DYNC1I1: variants seen among roughly 807,000 people sequenced by gnomAD.
The protein encoded by DYNC1I1 is cytoplasmic dynein 1 intermediate chain 1.
Under a neutral mutation model 86.6 loss-of-function variants are expected in DYNC1I1, and 43 were observed. That is an observed-to-expected ratio of 0.50 (90% CI 0.39 to 0.64). The LOEUF (loss-of-function observed/expected upper bound fraction) is 0.64, where lower values mean the gene tolerates loss of function less well. Ranked by LOEUF, DYNC1I1 falls within the 30% of genes least tolerant of loss-of-function variation. The pLI, the probability that DYNC1I1 is intolerant of heterozygous loss-of-function variation, is 0.00. For missense variants in DYNC1I1, 604 were observed against 788.8 expected (o/e 0.77, Z 2.81); for synonymous variants, 262 against 283.7 (o/e 0.92, Z 0.77).
At chr7:95,870,384 C>T (rs962365233) in intron 6 of DYNC1I1, among the ~76,000 whole-genome samples, 1 of 6,634 alleles carries the variant, frequency 1.5e-4, no homozygotes. Flanking sequence ...CAAACTATAG[C>T]CCACCCACCT....
intron 6 of DYNC1I1, among the ~76,000 whole-genome samples, chr7:95,975,904 G>T (rs1793291317): frequency 6.6e-6 from 1 of 152,066 alleles, no homozygotes. Flanking sequence ...TTAGTCCTTG[G>T]GTCAGGAAGA....
chr7:95,848,637 A>C (rs1047738582), intron 5 of DYNC1I1, among the ~76,000 whole-genome samples: 1 of 152,150 alleles, frequency 6.6e-6, no homozygotes, highest in Non-Finnish European at 1.5e-5. Context: ...TTTGATAAAC[A>C]CATAGGTTGA....
intron 9 of DYNC1I1, among the ~76,000 whole-genome samples, chr7:95,990,033 C>G (rs933545192): frequency 6.6e-6 from 1 of 152,116 alleles, no homozygotes; most frequent in Non-Finnish European, 1.5e-5. Context: ...CAGAATAGAA[C>G]TGAGAGGAGA....
chr7:95,942,020 G>C (rs924200556), intron 6 of DYNC1I1, among the ~76,000 whole-genome samples: 1 of 152,052 alleles, frequency 6.6e-6, no homozygotes, highest in Admixed American at 6.6e-5. Flanking sequence ...ATAACTAAAA[G>C]CAGAGCAGAA....
intron 5 of DYNC1I1, among the ~76,000 whole-genome samples, chr7:95,844,145 A>T: frequency 6.6e-6 from 1 of 152,304 alleles, no homozygotes; most frequent in East Asian, 1.9e-4. Flanking sequence ...TATAGATAAC[A>T]ATGAGCAATG....
At chr7:95,874,506 T>C (rs908412648) in intron 6 of DYNC1I1, among the ~76,000 whole-genome samples, 5 of 152,204 alleles carry the variant, frequency 3.3e-5, no homozygotes, top group Admixed American at 2.0e-4. Context: ...ATCGACTGGA[T>C]TGTGTATCCC....
At chr7:95,835,658 G>C (rs1308711118) in intron 5 of DYNC1I1, among the ~76,000 whole-genome samples, 1 of 152,124 alleles carries the variant, frequency 6.6e-6, no homozygotes, top group Admixed American at 6.5e-5. Flanking sequence ...GGGTGCTCCT[G>C]TATTGGGTGC....
At chr7:95,813,059 CA>C in intron 3 of DYNC1I1, 187 bp from the exon 4 acceptor site, 1 of 1,283,576 alleles carries the variant, frequency 7.8e-7, no homozygotes, top group Non-Finnish European at 1.1e-6. Flanking sequence ...TTCCAAAATA[CA>C]AAAAATTCAC....
At chr7:95,893,010 C>G (rs1174634149) in intron 6 of DYNC1I1, among the ~76,000 whole-genome samples, 1 of 152,122 alleles carries the variant, frequency 6.6e-6, no homozygotes, top group Non-Finnish European at 1.5e-5. Flanking sequence ...TTCCTCGTGA[C>G]CTTTCTTAAA....
chr7:95,988,576 A>C (rs1001858597), intron 9 of DYNC1I1, among the ~76,000 whole-genome samples: 2 of 152,206 alleles, frequency 1.3e-5, no homozygotes, highest in Non-Finnish European at 2.9e-5. Context: ...TAGTGTGGTG[A>C]CATCAGAATT....
intron 5 of DYNC1I1, among the ~76,000 whole-genome samples, chr7:95,861,155 C>G (rs1043518785): frequency 6.6e-6 from 1 of 152,112 alleles, no homozygotes; most frequent in Non-Finnish European, 1.5e-5. Flanking sequence ...CCTCTGCCAC[C>G]TTATCTACCT....
intron 6 of DYNC1I1, among the ~76,000 whole-genome samples, chr7:95,956,167 C>T (rs1792704664): frequency 6.6e-6 from 1 of 152,042 alleles, no homozygotes; most frequent in South Asian, 2.1e-4. Context: ...GGGTACCTGG[C>T]CACATTTCAA....
intron 10 of DYNC1I1, among the ~76,000 whole-genome samples, chr7:96,000,974 C>T (rs369848006): frequency 3.2e-4 from 49 of 152,272 alleles, no homozygotes; most frequent in East Asian, 2.7e-3. Context: ...GTTTTAAAAT[C>T]GTTTTATTTG....
chr7:96,050,696 C>T (rs916056166), intron 14 of DYNC1I1, among the ~76,000 whole-genome samples: 5 of 152,144 alleles, frequency 3.3e-5, no homozygotes, highest in Admixed American at 3.3e-4. Context: ...TGCCACTAGA[C>T]CTGCTTCTTC....
Position 96,035,725 on chromosome 7 carries a change from C to G in DYNC1I1, c.1337C>G (p.Thr446Arg). 1 of 1,610,822 alleles carries G rather than the reference C, an allele frequency of 6.2e-7. No individual in the cohort carries two copies. The highest frequency in any genetic ancestry group is 1.1e-5 in the South Asian group (1 of 90,296). The part of the protein sequence containing the change: ...NNFVVGSEEG[T>R]VYTACRHGSK... ...TTCGTGGTTGGCAGTGAGGAAGGTA[C>G]AGTCTACACGGCTTGTCGTCATGGA... The change falls in exon 13 of 17, where the codon ACA becomes AGA. Residue 446 changes from threonine to arginine, a missense_variant. Transcript: ENST00000447467.
rs116544107 is a variant in DYNC1I1 at position 95,995,898 on chromosome 7, C to T, written c.844-50C>T. 587 of 1,542,900 alleles carry T rather than the reference C, an allele frequency of 3.8e-4. 1 individual carries two copies. The African/African-American group carries it at 7.4e-3, about 19-fold the overall frequency. ...TGTATGTAGGAATAACAAAGTTTTC[C>T]TTGTGTTGTCATCTTAGCATAATTC... On this transcript the variant is annotated intron_variant, in intron 9 of 16. Coordinates refer to ENST00000447467, the MANE Select transcript of DYNC1I1 (RefSeq NM_001135556.2).
rs189489257 is a variant in DYNC1I1, at chr7:95,900,619, C to T, written c.490+30621C>T. Among the ~76,000 whole-genome samples, 625 of 152,194 alleles carry T rather than the reference C, an allele frequency of 4.1e-3. 8 individuals are homozygous for T. Among genetic ancestry groups the T allele is most frequent in the South Asian group, 0.019 (93 of 4,826 alleles). On this transcript the variant is annotated intron_variant, in intron 6 of 16. Coordinates refer to ENST00000447467, the MANE Select transcript of DYNC1I1 (RefSeq NM_001135556.2). ...AAGTTATCCTCTCACCATTAAAACT[C>T]ATTTTGAATAATATCAGTTAGGGAA...
chr7:95,837,137 TGGG>T (rs1789119607), intron 5 of DYNC1I1, among the ~76,000 whole-genome samples: 1 of 149,088 alleles, frequency 6.7e-6, no homozygotes, highest in African/African-American at 2.5e-5. Context: ...GATGTACAGA[TGGG>T]TTTTTGGTGT....
intron 6 of DYNC1I1, among the ~76,000 whole-genome samples, chr7:95,972,673 A>G (rs948488497): frequency 3.3e-5 from 5 of 152,198 alleles, no homozygotes; most frequent in Admixed American, 3.3e-4. Flanking sequence ...AAAACAAGTC[A>G]GCGAGCAGAG....
Sources: gnomAD v4.1 joint callset for allele counts (sites outside exome capture counted in the v4.1 genomes callset) on GRCh38, gnomAD v4.1.1 for gene constraint, MANE v1.5 for transcripts, NCBI Gene and HGNC (gene_info 2026-07-23, HGNC 2026-07-21) for gene names.